The following PHKB variants were observed in gnomAD, a reference collection of about 807,000 sequenced individuals.
The protein encoded by PHKB is phosphorylase kinase regulatory subunit beta.
PHKB carries 122 observed loss-of-function variants against 152.1 expected under a neutral mutation model. That is an observed-to-expected ratio of 0.80 (90% CI 0.69 to 0.93). PHKB has a LOEUF of 0.93. Among genes scored for constraint, PHKB ranks in the 40% least tolerant of loss-of-function variants. The pLI, the probability that PHKB is intolerant of heterozygous loss-of-function variation, is 0.00. For missense variants in PHKB, 1,304 were observed against 1,328.4 expected (o/e 0.98, Z 0.29); for synonymous variants, 436 against 464.9 (o/e 0.94, Z 0.80).
At chr16:47,499,387 A>G (rs1970285882) in intron 2 of PHKB, among the ~76,000 whole-genome samples, 2 of 152,206 alleles carry the variant, frequency 1.3e-5, no homozygotes, top group Admixed American at 1.3e-4. Context: ...AAGTTTACCT[A>G]TTGAACTGAT....
chr16:47,534,060 G>T (rs1260465892), intron 6 of PHKB, among the ~76,000 whole-genome samples: 2 of 152,234 alleles, frequency 1.3e-5, no homozygotes, highest in African/African-American at 4.8e-5. Flanking sequence ...GGCTGCAGTG[G>T]CATCTGGGGA....
Position 47,665,795 on chromosome 16 carries a change from A to G in PHKB, c.2427+820A>G, listed in dbSNP as rs190417158. 14 of 715,136 alleles carry G rather than the reference A, an allele frequency of 2.0e-5. 1 individual carries two copies. Among genetic ancestry groups the G allele is most frequent in the East Asian group, 1.1e-4 (4 of 37,264 alleles). The allele number at this position is 715,136 out of a possible 1,614,324, so 44.3% of individuals were successfully genotyped here. On this transcript the variant is annotated intron_variant, in intron 25 of 30. Coordinates refer to ENST00000323584, the MANE Select transcript of PHKB (RefSeq NM_000293.3). ...TGCAGTCTGGGAAATTTCAGCTGTT[A>G]GGTTCAATGTCCTGGGCAGTGTTTC...
Position 47,660,782 on chromosome 16 carries a change from A to G in PHKB, c.2159A>G (p.Lys720Arg). 6.2e-7 allele frequency: 1 copy of G among 1,614,088 alleles called. No individual in the cohort carries two copies. Among genetic ancestry groups the G allele is most frequent in the African/African-American group, 1.3e-5 (1 of 75,030 alleles). Reference sequence around the variant, plus strand: ...CCGGATGTCAACATTAGTGAATGGAAGGACAAACCCACCCACGAAATTCTT... The same window carrying G: ...CCGGATGTCAACATTAGTGAATGGAGGGACAAACCCACCCACGAAATTCTT... ...QQPDVNISEW[K>R]DKPTHEILQK... The change falls in exon 22 of 31, where the codon AAG (lysine) becomes AGG (arginine). Residue 720 changes from lysine to arginine, a missense_variant. By Grantham distance (26) the Lys-to-Arg change is conservative (BLOSUM62 2). Transcript: ENST00000323584.
At chr16:47,598,004 A>G (rs1258746488) in intron 13 of PHKB, 2 of 152,152 alleles carry the variant, frequency 1.3e-5, no homozygotes, top group African/African-American at 2.4e-5. Flanking sequence ...ATAATATAGT[A>G]ACAACAAAAT....
At chr16:47,630,247 C>T (rs542678258) in intron 14 of PHKB, among the ~76,000 whole-genome samples, 1 of 151,882 alleles carries the variant, frequency 6.6e-6, no homozygotes, top group Non-Finnish European at 1.5e-5. Context: ...TTTGGGAGGC[C>T]GAGGTGGGCA....
chr16:47,688,020 C>T (rs905518571), intron 26 of PHKB, among the ~76,000 whole-genome samples: 1 of 152,214 alleles, frequency 6.6e-6, no homozygotes, highest in African/African-American at 2.4e-5. Context: ...AATACATCTA[C>T]CCTAACATTT....
In PHKB at chr16:47,701,163, A is replaced by G. The variant is rs572911803; in HGVS notation, c.*1797A>G. On this transcript the variant is annotated 3_prime_UTR_variant, in exon 31 of 31. Coordinates refer to ENST00000323584, the MANE Select transcript of PHKB (RefSeq NM_000293.3). ...AGAGGGAATTGAGAGCTGACACTTC[A>G]TAACTGGAGAAACTGGAAATTAAAG... 1 of 152,318 alleles carries G rather than the reference A, an allele frequency of 6.6e-6. No homozygotes were observed. The highest frequency in any genetic ancestry group is 1.9e-4 in the East Asian group (1 of 5,174). The allele number at this position is 152,318 out of a possible 1,614,324, so 9.4% of individuals were successfully genotyped here.
In PHKB at chr16:47,635,598, C is replaced by T. The variant is rs532102869; in HGVS notation, c.1459-5437C>T. ...ATGGAGATCAGGTCAGTTTTGTCCA[C>T]AGTAATCTAAGGCACCTATCAGATG... On this transcript the variant is annotated intron_variant, in intron 14 of 30. Transcript: ENST00000323584. Among the ~76,000 whole-genome samples the T allele has an allele frequency of 1.9e-3, 284 of 152,286 alleles. 4 individuals are homozygous for T. Among genetic ancestry groups the T allele is most frequent in the Non-Finnish European group, 3.0e-3 (204 of 68,020 alleles).
intron 6 of PHKB, among the ~76,000 whole-genome samples, chr16:47,537,660 A>G (rs1970974953): frequency 6.6e-6 from 1 of 152,162 alleles, no homozygotes; most frequent in Admixed American, 6.5e-5. Context: ...GTTGATCTCA[A>G]GATTTCTAGA....
At chr16:47,614,117 T>G (rs2151710996) in intron 14 of PHKB, among the ~76,000 whole-genome samples, 1 of 152,282 alleles carries the variant, frequency 6.6e-6, no homozygotes. Flanking sequence ...TGGGGAGGCC[T>G]CAGGGAGGTT....
intron 13 of PHKB, among the ~76,000 whole-genome samples, chr16:47,599,921 T>TC (rs1972192059): frequency 6.6e-6 from 1 of 152,224 alleles, no homozygotes; most frequent in African/African-American, 2.4e-5. Flanking sequence ...CAGACTTCTA[T>TC]GGATTTTCAT....
At chr16:47,678,768 AG>A (rs1973787647) in intron 26 of PHKB, among the ~76,000 whole-genome samples, 1 of 151,890 alleles carries the variant, frequency 6.6e-6, no homozygotes, top group Non-Finnish European at 1.5e-5. Flanking sequence ...GAAGCTCTTT[AG>A]TTTAATTAGA....
intron 14 of PHKB, among the ~76,000 whole-genome samples, chr16:47,630,119 A>G (rs750747682): frequency 3.3e-5 from 5 of 152,184 alleles, no homozygotes; most frequent in Non-Finnish European, 5.9e-5. Flanking sequence ...GCACATGTAT[A>G]CATATGTAAC....
In PHKB at chr16:47,664,465, T is replaced by G. The variant is rs78097406; in HGVS notation, c.2337-420T>G. ...CTCAAGAATGTCATAAGAAACTCCC[T>G]TAACCTCAATGAGCCTCAGGTTTCT... On this transcript the variant is annotated intron_variant, in intron 24 of 30. Transcript: ENST00000323584. The G allele has an allele frequency of 9.8e-4, 194 of 198,240 alleles. 2 individuals carry two copies. The East Asian group carries it at 0.024, about 24-fold the overall frequency. 12.3% of individuals were successfully genotyped at this position (198,240 alleles called of 1,614,324 possible).
intron 22 of PHKB, among the ~76,000 whole-genome samples, chr16:47,661,495 G>T (rs1973442639): frequency 1.3e-5 from 2 of 152,198 alleles, no homozygotes; most frequent in East Asian, 3.8e-4. Context: ...CAGGAAGCCA[G>T]CTTGTCACTT....
chr16:47,697,302 GA>G (rs1236483721), intron 29 of PHKB, among the ~76,000 whole-genome samples: 1 of 152,178 alleles, frequency 6.6e-6, no homozygotes, highest in Non-Finnish European at 1.5e-5. Context: ...GAGCTGAGTA[GA>G]TTTAGCCTCC....
intron 28 of PHKB, among the ~76,000 whole-genome samples, chr16:47,694,785 T>C (rs1974119813): frequency 6.6e-6 from 1 of 152,150 alleles, no homozygotes; most frequent in Admixed American, 6.5e-5. Flanking sequence ...TCTGCCTACC[T>C]GGGCAGTGCA....
intron 2 of PHKB, among the ~76,000 whole-genome samples, chr16:47,499,252 C>A (rs1970283164): frequency 6.6e-6 from 1 of 152,182 alleles, no homozygotes; most frequent in Non-Finnish European, 1.5e-5. Flanking sequence ...CAGTGAAACA[C>A]AGGATTCCAG....
chr16:47,609,664 T>C (rs1428079748), intron 13 of PHKB, among the ~76,000 whole-genome samples: 1 of 152,102 alleles, frequency 6.6e-6, no homozygotes, highest in East Asian at 1.9e-4. Flanking sequence ...TTTGTGTCTT[T>C]CCGGGAATAA....
Sources: gnomAD v4.1 joint callset for allele counts (sites outside exome capture counted in the v4.1 genomes callset) on GRCh38, gnomAD v4.1.1 for gene constraint, MANE v1.5 for transcripts, NCBI Gene and HGNC (gene_info 2026-07-23, HGNC 2026-07-21) for gene names.